The following TUSC3 variants were observed in gnomAD, a reference collection of about 807,000 sequenced individuals.
TUSC3 encodes the protein tumor suppressor candidate 3, also known as dolichyl-diphosphooligosaccharide--protein glycosyltransferase subunit TUSC3.
TUSC3 carries 45 observed loss-of-function variants against 44.8 expected under a neutral mutation model. The observed-to-expected ratio is 1.00, with a 90% confidence interval of 0.79 to 1.29. The LOEUF is 1.29. Among genes scored for constraint, TUSC3 ranks in the 50% most tolerant of loss-of-function variants. The pLI, the probability that TUSC3 is intolerant of heterozygous loss-of-function variation, is 0.00. For synonymous variants in TUSC3, 212 were observed against 152.9 expected, an observed-to-expected ratio of 1.39 and a Z score of -2.85; for missense variants, 519 against 437.9, an observed-to-expected ratio of 1.19 and a Z score of -1.65.
intron 1 of TUSC3, among the ~76,000 whole-genome samples, chr8:15,593,922 C>A (rs985165927): frequency 6.6e-6 from 1 of 152,096 alleles, no homozygotes; most frequent in Admixed American, 6.6e-5. Context: ...CATTAATCTA[C>A]TCTATAAAGT....
At chr8:15,770,192 A>G (rs1013452877), downstream of TUSC3, among the ~76,000 whole-genome samples, 2 of 152,202 alleles carry the variant, frequency 1.3e-5, no homozygotes, top group Non-Finnish European at 2.9e-5. Flanking sequence ...CTGGATAAAG[A>G]AAATGTGGCA....
chr8:15,749,314 T>C (rs1194436369), intron 9 of TUSC3, among the ~76,000 whole-genome samples: 1 of 152,118 alleles, frequency 6.6e-6, no homozygotes, highest in Non-Finnish European at 1.5e-5. Flanking sequence ...AGTGGACATT[T>C]TTAGAACGTT....
chr8:15,593,325 A>G (rs28532405), intron 1 of TUSC3, among the ~76,000 whole-genome samples: 36,999 of 152,042 alleles, frequency 0.24, 4,667 homozygotes, highest in East Asian at 0.47. Flanking sequence ...ACCTCAGGTG[A>G]TCCGCCCGCT....
At chr8:15,559,423 G>C (rs1802377657) in intron 1 of TUSC3, among the ~76,000 whole-genome samples, 1 of 148,104 alleles carries the variant, frequency 6.8e-6, no homozygotes, top group South Asian at 2.2e-4. Context: ...TTACTTCCAA[G>C]TATGTGGTCA....
chr8:15,433,556 G>A (rs1334992199), intron 1 of TUSC3, among the ~76,000 whole-genome samples: 2 of 151,412 alleles, frequency 1.3e-5, no homozygotes, highest in African/African-American at 4.9e-5. Context: ...CCATATAACA[G>A]CCCCTTCACA....
intron 2 of TUSC3, among the ~76,000 whole-genome samples, chr8:15,515,883 C>A (rs1229557183): frequency 4.6e-5 from 7 of 152,000 alleles, no homozygotes; most frequent in African/African-American, 1.7e-4. Flanking sequence ...ATTGGCCAGG[C>A]TGGTCTTGAA....
the TUSC3 span, chr8:15,806,934 T>C: frequency 6.9e-7 from 1 of 1,440,836 alleles, no homozygotes; most frequent in Non-Finnish European, 9.8e-7. Context: ...ACCATGTTTC[T>C]TCTCTGACAT....
At chr8:15,771,657 A>C in the TUSC3 span, among the ~76,000 whole-genome samples, 1 of 152,216 alleles carries the variant, frequency 6.6e-6, no homozygotes, top group Non-Finnish European at 1.5e-5. Flanking sequence ...CAACCAGTGG[A>C]TCACAGAAGA....
chr8:15,773,302 A>G, the TUSC3 span, among the ~76,000 whole-genome samples: 1 of 152,206 alleles, frequency 6.6e-6, no homozygotes, highest in Non-Finnish European at 1.5e-5. Context: ...TGCAAAATCC[A>G]ATTGTATTTC....
intron 6 of TUSC3, among the ~76,000 whole-genome samples, chr8:15,707,295 CTT>C (rs1466317024): frequency 6.6e-6 from 1 of 151,918 alleles, no homozygotes; most frequent in African/African-American, 2.4e-5. Context: ...TTATGTTGGA[CTT>C]TTGTTTCCTG....
chr8:15,810,959 C>G, the TUSC3 span, among the ~76,000 whole-genome samples: 1 of 152,124 alleles, frequency 6.6e-6, no homozygotes, highest in South Asian at 2.1e-4. Context: ...AGTAAGGAGA[C>G]ATGATCGTGT....
the TUSC3 span, among the ~76,000 whole-genome samples, chr8:15,809,317 G>T: frequency 6.6e-6 from 1 of 152,132 alleles, no homozygotes; most frequent in South Asian, 2.1e-4. Context: ...TAAACTCAGA[G>T]TTCTTTCTGA....
chr8:15,423,923 G>C (rs1799769590), intron 1 of TUSC3, among the ~76,000 whole-genome samples: 1 of 146,558 alleles, frequency 6.8e-6, no homozygotes, highest in East Asian at 2.1e-4. Context: ...ATGTTTCCAG[G>C]AAAGTCTTCG....
chr8:15,701,246 C>A lies in TUSC3; in HGVS notation c.798+27410C>A, dbSNP rs1809392158. Among the ~76,000 whole-genome samples, 4 of 152,078 alleles carry A rather than the reference C, an allele frequency of 2.6e-5. No individual in the cohort carries two copies. The South Asian group carries it at 8.3e-4, about 31-fold the overall frequency. On this transcript the variant is annotated intron_variant, in intron 6 of 10. Coordinates refer to ENST00000503731, the MANE Select transcript of TUSC3 (RefSeq NM_006765.4). Reference sequence around the variant, plus strand: ...TTCCCCCACAAAATTTCCTCAGGGCCTCTTGCATGTATATCTGCCATTCCT... The same window carrying A: ...TTCCCCCACAAAATTTCCTCAGGGCATCTTGCATGTATATCTGCCATTCCT...
At chr8:15,561,279 T>G (rs1489135692) in intron 1 of TUSC3, among the ~76,000 whole-genome samples, 2 of 147,930 alleles carry the variant, frequency 1.4e-5, no homozygotes, top group Admixed American at 6.8e-5. Flanking sequence ...GGTGTCAGTG[T>G]GCCCCTGCTG....
intron 1 of TUSC3, among the ~76,000 whole-genome samples, chr8:15,609,909 AC>A (rs1804690353): frequency 6.6e-6 from 1 of 152,136 alleles, no homozygotes; most frequent in Admixed American, 6.6e-5. Context: ...TGAATATATT[AC>A]CTTCTATCTT....
intron 6 of TUSC3, among the ~76,000 whole-genome samples, chr8:15,699,831 G>A (rs1396141207): frequency 6.6e-6 from 1 of 152,016 alleles, no homozygotes; most frequent in Non-Finnish European, 1.5e-5. Flanking sequence ...TTTTAAAATG[G>A]ATTTCTTTTG....
intron 1 of TUSC3, among the ~76,000 whole-genome samples, chr8:15,613,545 C>T (rs1804854064): frequency 6.6e-6 from 1 of 152,102 alleles, no homozygotes; most frequent in Admixed American, 6.6e-5. Context: ...TGTCTCTTGC[C>T]TGCTGCCATG....
chr8:15,485,743 G>A (rs6530876), intron 2 of TUSC3, among the ~76,000 whole-genome samples: 90,093 of 151,838 alleles, frequency 0.59, 27,365 homozygotes, highest in East Asian at 0.77. Flanking sequence ...GTATTTTATT[G>A]TTTATTTATT....
Sources: allele counts gnomAD v4.1 joint callset (sites outside exome capture counted in the v4.1 genomes callset), GRCh38; gene constraint gnomAD v4.1.1; transcripts MANE v1.5; gene names NCBI Gene and HGNC (gene_info 2026-07-23, HGNC 2026-07-21).